SLC8A1: variants seen among roughly 807,000 people sequenced by gnomAD.
The protein encoded by SLC8A1 is sodium/calcium exchanger 1.
In SLC8A1, 18 loss-of-function variants were observed where a neutral mutation model predicts 68.3. That is an observed-to-expected ratio of 0.26 (90% confidence interval 0.18 to 0.39). The LOEUF is 0.39. Ranked by LOEUF, SLC8A1 falls within the 10% of genes least tolerant of loss-of-function variation. The pLI is 1.00. For missense variants in SLC8A1, 985 were observed against 1,156.7 expected (o/e 0.85, Z 2.15); for synonymous variants, 475 against 415.5 (o/e 1.14, Z -1.74).
chr2:40,322,902 C>G (rs976066168), intron 2 of SLC8A1, among the ~76,000 whole-genome samples: 3 of 151,764 alleles, frequency 2.0e-5, no homozygotes, highest in Non-Finnish European at 4.4e-5. Flanking sequence ...GCAACTCTCT[C>G]TGGTAGGTTT....
chr2:40,222,169 G>A (rs1466553316), intron 2 of SLC8A1, among the ~76,000 whole-genome samples: 1 of 150,072 alleles, frequency 6.7e-6, no homozygotes, highest in Non-Finnish European at 1.5e-5. Flanking sequence ...TACCAAATTA[G>A]ATATATATAT....
chr2:40,493,175 AT>A (rs1705434567), intron 1 of SLC8A1, among the ~76,000 whole-genome samples: 1 of 152,176 alleles, frequency 6.6e-6, no homozygotes, highest in South Asian at 2.1e-4. Flanking sequence ...GTAAAAAATG[AT>A]GAGTTCCTGT....
intron 7 of SLC8A1, among the ~76,000 whole-genome samples, chr2:40,138,014 TA>T (rs1435755410): frequency 6.6e-6 from 1 of 152,144 alleles, no homozygotes; most frequent in African/African-American, 2.4e-5. Flanking sequence ...TTATTCAATA[TA>T]AAAATCACCA....
chr2:40,369,791 G>T (rs1326528751), intron 2 of SLC8A1, among the ~76,000 whole-genome samples: 2 of 151,930 alleles, frequency 1.3e-5, no homozygotes, highest in African/African-American at 2.4e-5. Flanking sequence ...ATCATCTGTG[G>T]TTGGGCCTGA....
chr2:40,262,955 T>C (rs1341263554), intron 2 of SLC8A1, among the ~76,000 whole-genome samples: 1 of 152,236 alleles, frequency 6.6e-6, no homozygotes, highest in Admixed American at 6.5e-5. Context: ...AACAATGTCC[T>C]TAGCAAATGG....
At chr2:40,413,646 T>C (rs538653554) in intron 2 of SLC8A1, among the ~76,000 whole-genome samples, 10 of 152,304 alleles carry the variant, frequency 6.6e-5, no homozygotes, top group South Asian at 2.1e-4. Context: ...AAAACATTCA[T>C]GTCCTGTAGC....
chr2:40,355,776 G>C (rs1312262027), intron 2 of SLC8A1, among the ~76,000 whole-genome samples: 1 of 152,148 alleles, frequency 6.6e-6, no homozygotes, highest in Non-Finnish European at 1.5e-5. Context: ...GGTCCCAAGA[G>C]TTCTGTTTCT....
At chr2:40,248,286 A>C (rs959985422) in intron 2 of SLC8A1, among the ~76,000 whole-genome samples, 2 of 152,174 alleles carry the variant, frequency 1.3e-5, no homozygotes, top group Non-Finnish European at 1.5e-5. Flanking sequence ...ATGTTTTCCC[A>C]ACTCCAAACT....
rs534754624 is a variant in SLC8A1, at chr2:40,492,823, A to G, written c.-25+19526T>C. 4.0e-3 allele frequency among the ~76,000 whole-genome samples: 595 copies of G among 149,050 alleles called. 5 individuals are homozygous for G. Among genetic ancestry groups the G allele is most frequent in the African/African-American group, 0.014 (571 of 40,464 alleles). On this transcript the variant is annotated intron_variant, in intron 1 of 7. Transcript: ENST00000402441. The stretch of plus-strand genomic sequence containing the variant: ...CCATCTCACACCAGTTAGAATGGCA[A>G]TCATTAAAAAGTCAGGAAACAACAG...
chr2:40,429,047 C>T, exon 2 of SLC8A1: 1 of 1,612,196 alleles, frequency 6.2e-7, no homozygotes, highest in African/African-American at 1.3e-5. Flanking sequence ...GTCCCTTGTT[C>T]AAAGAAGATC....
At chr2:40,142,366 GGGTGCA>G (rs1437128354) in intron 6 of SLC8A1, among the ~76,000 whole-genome samples, 1 of 147,624 alleles carries the variant, frequency 6.8e-6, no homozygotes, top group Non-Finnish European at 1.5e-5. Flanking sequence ...GGGCTGAGAA[GGGTGCA>G]TATACTCAGA....
chr2:40,233,439 G>C (rs956565678), intron 2 of SLC8A1, among the ~76,000 whole-genome samples: 2 of 146,884 alleles, frequency 1.4e-5, no homozygotes, highest in African/African-American at 5.0e-5. Flanking sequence ...TTTTTGATGG[G>C]GTTGTTTGTT....
At position 40,435,181 on chromosome 2, in the gene SLC8A1, T is replaced by C. The variant is rs984682908; in HGVS notation, c.-24-4877A>G. Among the ~76,000 whole-genome samples, 5 of 152,312 alleles carry C rather than the reference T, an allele frequency of 3.3e-5. No homozygotes were observed. The East Asian group carries it at 5.8e-4, about 18-fold the overall frequency. On this transcript the variant is annotated intron_variant, in intron 1 of 7. Transcript: ENST00000406785. ...CATCAGTACTTGGAATTCCCTTCTA[T>C]GTAATTCTTGCTGACTGAAAGACTC...
intron 4 of SLC8A1, among the ~76,000 whole-genome samples, chr2:40,173,068 T>C (rs2047815439): frequency 6.6e-6 from 1 of 152,146 alleles, no homozygotes; most frequent in Non-Finnish European, 1.5e-5. Flanking sequence ...TTTATCAGAT[T>C]TCACAGGATG....
intron 2 of SLC8A1, among the ~76,000 whole-genome samples, chr2:40,184,089 T>C (rs1284400552): frequency 1.3e-5 from 2 of 152,110 alleles, no homozygotes; most frequent in African/African-American, 4.8e-5. Context: ...GGTGGGAGGA[T>C]GGCTTGAGCC....
At chr2:40,399,702 T>C (rs1376588639) in intron 2 of SLC8A1, among the ~76,000 whole-genome samples, 1 of 151,968 alleles carries the variant, frequency 6.6e-6, no homozygotes, top group Non-Finnish European at 1.5e-5. Flanking sequence ...CAAGGACATT[T>C]GGGGGAAAAA....
chr2:40,284,267 A>C (rs2067938568), intron 2 of SLC8A1, among the ~76,000 whole-genome samples: 1 of 150,032 alleles, frequency 6.7e-6, no homozygotes, highest in Non-Finnish European at 1.5e-5. Context: ...ATATATAAAT[A>C]TATAGAGACA....
chr2:40,311,527 A>G (rs903521004), intron 2 of SLC8A1, among the ~76,000 whole-genome samples: 1 of 152,154 alleles, frequency 6.6e-6, no homozygotes, highest in Non-Finnish European at 1.5e-5. Flanking sequence ...AGTGAAATAA[A>G]AACTATAGAA....
chr2:40,212,324 C>T (rs1345413703), intron 2 of SLC8A1, among the ~76,000 whole-genome samples: 2 of 132,824 alleles, frequency 1.5e-5, no homozygotes, highest in African/African-American at 2.9e-5. Flanking sequence ...CTCGCTTTGT[C>T]GACAGGCTGG....
Sources: allele counts gnomAD v4.1 joint callset (sites outside exome capture counted in the v4.1 genomes callset), GRCh38; gene constraint gnomAD v4.1.1; transcripts MANE v1.5; gene names NCBI Gene and HGNC (gene_info 2026-07-23, HGNC 2026-07-21).